The following ADGRF5 variants were observed in gnomAD, a reference collection of about 807,000 sequenced individuals.
ADGRF5 encodes adhesion G protein-coupled receptor F5, also known as G-protein coupled receptor 116.
In ADGRF5, 75 loss-of-function variants were observed where a neutral mutation model predicts 132.3. That is an observed-to-expected ratio of 0.57 (90% CI 0.47 to 0.69). ADGRF5 has a LOEUF of 0.69. Ranked by LOEUF, ADGRF5 falls within the 30% of genes least tolerant of loss-of-function variation. The pLI, the probability that ADGRF5 is intolerant of heterozygous loss-of-function variation, is 0.00. For missense variants in ADGRF5, 1,516 were observed against 1,630.6 expected, an observed-to-expected ratio of 0.93 and a Z score of 1.21; for synonymous variants, 629 against 597.6, an observed-to-expected ratio of 1.05 and a Z score of -0.77.
intron 1 of ADGRF5, among the ~76,000 whole-genome samples, chr6:46,920,867 A>T (rs1432131708): frequency 1.3e-5 from 2 of 152,158 alleles, no homozygotes; most frequent in African/African-American, 4.8e-5. Context: ...CATCTCAAAA[A>T]AATAAAAATA....
chr6:46,881,643 A>G lies in ADGRF5; in HGVS notation c.672-46T>C, dbSNP rs140926237. The G allele has an allele frequency of 3.1e-5, 48 of 1,567,936 alleles. No homozygotes were observed. In the African/African-American group the frequency reaches 6.1e-4, roughly 20 times the overall value. On this transcript the variant is annotated intron_variant, in intron 7 of 20. Transcript: ENST00000283296. Reference sequence around the variant, plus strand: ...TCAGTAAAACAATAACTGACCTGGAAGAGTCTAGATATTTATGGCTTATTT... The same window carrying G: ...TCAGTAAAACAATAACTGACCTGGAGGAGTCTAGATATTTATGGCTTATTT...
rs201263107 is a variant in ADGRF5 at position 46,879,958 on chromosome 6, G to A, written c.896C>T (p.Ser299Phe). 18 of 1,613,924 alleles carry A rather than the reference G, an allele frequency of 1.1e-5. No individual in the cohort carries two copies. The highest frequency in any genetic ancestry group is 5.0e-5 in the Admixed American group (3 of 59,998). ...TTCATAGCGCCAAGACACATTGGAG[G>A]ACAAAACTTCCTTTTCACACACCAG... ...VSLVCEKEVLSSNVSWRYEEQ... is the reference protein window; with the variant it reads ...VSLVCEKEVLFSNVSWRYEEQ... The change falls in exon 9 of 21, where the codon TCC becomes TTC. Residue 299 changes from serine (S) to phenylalanine (F), a missense_variant. Around this residue, in one of 2 missense-constraint regions of ADGRF5, gnomAD observed 945 missense variants for 929.4 expected, o/e 1.02. Coordinates refer to ENST00000283296, the MANE Select transcript of ADGRF5 (RefSeq NM_001098518.2).
rs374242440 is a variant in ADGRF5 at position 46,900,065 on chromosome 6, G to A, written c.121C>T (p.Pro41Ser). Residue 41 changes from proline (P) to serine (S), a missense_variant, in exon 3 of 21, where the codon CCA (proline) becomes TCA (serine). Physicochemically the swap from Pro to Ser is moderately conservative, Grantham distance 74. Coordinates refer to ENST00000283296, the MANE Select transcript of ADGRF5 (RefSeq NM_001098518.2). The part of the protein sequence containing the change: ...IHPLSLHEHE[P>S]AGEEALRQKR... ...TGCCTCAGTGCCTCTTCACCAGCTGGTTCATGTTCATGAAGACTCTGAAAA... is the reference window on the plus strand; with the variant it reads ...TGCCTCAGTGCCTCTTCACCAGCTGATTCATGTTCATGAAGACTCTGAAAA... 1.2e-5 allele frequency: 20 copies of A among 1,612,344 alleles called. No individual in the cohort carries two copies. Among genetic ancestry groups the A allele is most frequent in the Middle Eastern group, 1.6e-4 (1 of 6,080 alleles).
At chr6:46,873,062 G>T (rs912050562) in intron 10 of ADGRF5, among the ~76,000 whole-genome samples, 3 of 151,810 alleles carry the variant, frequency 2.0e-5, no homozygotes, top group Admixed American at 2.0e-4. Flanking sequence ...CATCTCTAAG[G>T]CTCACCCCGC....
chr6:46,935,656 G>C (rs1486826822), intron 1 of ADGRF5, among the ~76,000 whole-genome samples: 1 of 152,158 alleles, frequency 6.6e-6, no homozygotes, highest in African/African-American at 2.4e-5. Flanking sequence ...CTTCTCAAGG[G>C]GAAGCTAATG....
At chr6:46,882,295 C>T (rs547931820) in intron 6 of ADGRF5, among the ~76,000 whole-genome samples, 188 bp from the exon 7 acceptor site, 62 of 152,044 alleles carry the variant, frequency 4.1e-4, no homozygotes, top group Non-Finnish European at 8.1e-4. Context: ...CTGGGTCCTC[C>T]GAGAAGTAGA....
At chr6:46,893,974 C>G (rs1389026139) in intron 3 of ADGRF5, among the ~76,000 whole-genome samples, 1 of 152,230 alleles carries the variant, frequency 6.6e-6, no homozygotes. Flanking sequence ...GCAAACAATT[C>G]TACTTTTGCC....
In ADGRF5 at chr6:46,860,780, C is replaced by T; in HGVS notation, c.2314G>A (p.Ala772Thr). ...AGCAGATCAAGGATGTTAATAATGG[C>T]TCCCAGACTCCCAGGAGAAGAGCTG... is the stretch of plus-strand genomic sequence containing the variant. ...EISSSPGSLGAIINILDLLST... is the reference protein window; with the variant it reads ...EISSSPGSLGTIINILDLLST... Residue 772 changes from alanine (A) to threonine (T), a missense_variant, in exon 16 of 21, where the codon GCC (alanine) becomes ACC (threonine). This residue lies in a region of ADGRF5 where 571 missense variants were observed against 701.2 expected (regional missense o/e 0.81). Transcript: ENST00000283296. 1 of 1,613,460 alleles carries T rather than the reference C, an allele frequency of 6.2e-7. No individual in the cohort carries two copies. Among genetic ancestry groups the T allele is most frequent in the African/African-American group, 1.3e-5 (1 of 75,028 alleles).
chr6:46,922,850 G>T (rs958041225), upstream of ADGRF5, among the ~76,000 whole-genome samples: 2 of 152,250 alleles, frequency 1.3e-5, no homozygotes, highest in East Asian at 3.8e-4. Context: ...GGACTCTGGA[G>T]TCAGACTGTA....
intron 10 of ADGRF5, among the ~76,000 whole-genome samples, chr6:46,875,506 C>T (rs1771554615): frequency 6.6e-6 from 1 of 152,026 alleles, no homozygotes; most frequent in African/African-American, 2.4e-5. Flanking sequence ...GAGTTGAGGC[C>T]AGGTGTAGTG....
intron 1 of ADGRF5, among the ~76,000 whole-genome samples, chr6:46,947,866 C>A (rs1778358311): frequency 6.6e-6 from 1 of 152,222 alleles, no homozygotes; most frequent in Non-Finnish European, 1.5e-5. Context: ...CAGAGGCCAA[C>A]AACCCAGTCC....
intron 4 of ADGRF5, among the ~76,000 whole-genome samples, chr6:46,884,745 G>C (rs1042464751): frequency 4.6e-5 from 7 of 152,144 alleles, no homozygotes; most frequent in African/African-American, 1.7e-4. Flanking sequence ...AGTTCCTCTT[G>C]GTTGCTCTCT....
chr6:46,947,915 C>T (rs576413911), intron 1 of ADGRF5, among the ~76,000 whole-genome samples: 2 of 152,262 alleles, frequency 1.3e-5, no homozygotes, highest in South Asian at 4.2e-4. Context: ...GTCCCCCTTG[C>T]TCCTTGGGCC....
At chr6:46,941,436 GAAA>G (rs1158617823) in intron 1 of ADGRF5, among the ~76,000 whole-genome samples, 4 of 54,896 alleles carry the variant, frequency 7.3e-5, no homozygotes, top group African/African-American at 2.2e-4. Flanking sequence ...GAAAAGAAAA[GAAA>G]AGAAAAGAAA....
intron 1 of ADGRF5, among the ~76,000 whole-genome samples, chr6:46,913,381 C>T (rs1776137896): frequency 2.0e-5 from 3 of 152,208 alleles, no homozygotes; most frequent in African/African-American, 7.2e-5. Context: ...CACCTGTAAT[C>T]TCAGCTACTC....
At chr6:46,874,006 A>C (rs1244109362) in intron 10 of ADGRF5, among the ~76,000 whole-genome samples, 2 of 151,130 alleles carry the variant, frequency 1.3e-5, no homozygotes, top group Non-Finnish European at 3.0e-5. Context: ...TGGTCTGCCC[A>C]TTACACATGA....
rs544595983 is a variant in ADGRF5, at chr6:46,878,052, A to T, written c.1240+150T>A. 3.5e-5 allele frequency: 22 copies of T among 633,290 alleles called. No individual in the cohort carries two copies. In the African/African-American group the frequency reaches 3.9e-4, roughly 11 times the overall value. 39.2% of individuals were successfully genotyped at this position (633,290 alleles called of 1,614,324 possible). On this transcript the variant is annotated intron_variant, in intron 10 of 20. Transcript: ENST00000283296. The stretch of plus-strand genomic sequence containing the variant: ...TCTTGTTCTAGAGTGGCTAAGCTGG[A>T]GCTGGCATCAAACCTAATGCCTTTT...
chr6:46,880,006 A>T lies in ADGRF5; in HGVS notation c.848T>A (p.Ile283Asn), dbSNP rs775293004. The change falls in exon 9 of 21, where the codon ATC becomes AAC. Residue 283 changes from isoleucine (I) to asparagine (N), a missense_variant. Transcript: ENST00000283296. The stretch of plus-strand genomic sequence containing the variant: ...CAGACTGACTGTGTCCCCTTCAAAG[A>T]TGATTTCTGGTGTGACAAAGAAATT... ...ESNFFVTPEI[I>N]FEGDTVSLVC... 3 of 1,614,026 alleles carry T rather than the reference A, an allele frequency of 1.9e-6. No individual in the cohort carries two copies. The South Asian group carries it at 3.3e-5, about 18-fold the overall frequency.
chr6:46,952,939 C>T (rs1235695671), intron 1 of ADGRF5, among the ~76,000 whole-genome samples: 1 of 152,120 alleles, frequency 6.6e-6, no homozygotes, highest in Admixed American at 6.5e-5. Flanking sequence ...GTGTACAAAC[C>T]AGGCCTTAAT....
Sources: gnomAD v4.1 joint callset for allele counts (sites outside exome capture counted in the v4.1 genomes callset) on GRCh38, gnomAD v4.1.1 for gene constraint, gnomAD v4.1.1 regional missense constraint, MANE v1.5 for transcripts, NCBI Gene and HGNC (gene_info 2026-07-23, HGNC 2026-07-21) for gene names.